Variants in OSBPL1A observed in about 807,000 individuals in gnomAD.
The protein encoded by OSBPL1A is oxysterol binding protein like 1A, also known as oxysterol-binding protein-related protein 1.
Under a neutral mutation model 137.1 loss-of-function variants are expected in OSBPL1A, and 80 were observed. That is an observed-to-expected ratio of 0.58 (90% CI 0.49 to 0.70). The LOEUF (loss-of-function observed/expected upper bound fraction) is 0.70. OSBPL1A is among the 30% of genes least tolerant of loss of function. OSBPL1A has a pLI of 0.00. For synonymous variants in OSBPL1A, 365 were observed against 389.7 expected (o/e 0.94, Z 0.75); for missense variants, 970 against 1,129.4 (o/e 0.86, Z 2.02).
rs141336824 is a variant in OSBPL1A, at chr18:24,273,645, T to G, written c.1281+7197A>C. Among the ~76,000 whole-genome samples the G allele has an allele frequency of 3.3e-4, 51 of 152,332 alleles. 1 individual carries two copies. The highest frequency in any genetic ancestry group is 1.2e-3 in the African/African-American group (51 of 41,570). ...CATTCATTCAAATATTTATTCACCA[T>G]CTACCACATGCCAAGTACCATGCTA... On this transcript the variant is annotated intron_variant, in intron 15 of 27. Coordinates refer to ENST00000319481, the MANE Select transcript of OSBPL1A (RefSeq NM_080597.4).
chr18:24,281,382 C>T (rs2089953837), intron 14 of OSBPL1A, among the ~76,000 whole-genome samples: 1 of 140,814 alleles, frequency 7.1e-6, no homozygotes, highest in Non-Finnish European at 1.6e-5. Flanking sequence ...CCGCGCCCGG[C>T]TTTTTTTTTT....
intron 21 of OSBPL1A, among the ~76,000 whole-genome samples, chr18:24,174,968 G>A (rs964379607): frequency 6.6e-6 from 1 of 150,590 alleles, no homozygotes; most frequent in Non-Finnish European, 1.5e-5. Flanking sequence ...TTTTAGAGAC[G>A]GATTTTCACT....
intron 4 of OSBPL1A, among the ~76,000 whole-genome samples, chr18:24,358,795 C>T (rs563513212): frequency 4.6e-5 from 7 of 152,128 alleles, no homozygotes; most frequent in African/African-American, 4.8e-5. Context: ...AGCTGGAGTG[C>T]GGTGGTGCCA....
At chr18:24,313,238 C>T (rs779156806) in intron 12 of OSBPL1A, among the ~76,000 whole-genome samples, 9 of 151,736 alleles carry the variant, frequency 5.9e-5, no homozygotes, top group African/African-American at 2.2e-4. Flanking sequence ...GTCAGGATTT[C>T]GAGACCAGCC....
chr18:24,284,615 T>C lies in OSBPL1A; in HGVS notation c.1175-3667A>G, dbSNP rs146579276. ...AATCCCTTGTACAGACAACCTCCAC[T>C]GTTATCCTAGTGTAAAAAAAAAAAA... is the stretch of plus-strand genomic sequence containing the variant. On this transcript the variant is annotated intron_variant, in intron 14 of 27. Coordinates refer to ENST00000319481, the MANE Select transcript of OSBPL1A (RefSeq NM_080597.4). Among the ~76,000 whole-genome samples the C allele has an allele frequency of 2.8e-5, 3 of 107,380 alleles. No individual in the cohort carries two copies. The East Asian group carries it at 9.5e-4, about 34-fold the overall frequency. The allele number at this position is 107,380 out of a possible 152,430, so 70.4% of individuals were successfully genotyped here. A position where few individuals can be genotyped will look rare whatever the true frequency, so the allele number is the denominator to read the frequency against.
chr18:24,255,561 T>C (rs1395670209), intron 15 of OSBPL1A, among the ~76,000 whole-genome samples: 3 of 152,072 alleles, frequency 2.0e-5, no homozygotes, highest in African/African-American at 7.2e-5. Flanking sequence ...TATCTACCTA[T>C]GACCTGGAAG....
At chr18:24,302,193 C>T (rs1210823014) in intron 14 of OSBPL1A, among the ~76,000 whole-genome samples, 3 of 146,266 alleles carry the variant, frequency 2.1e-5, no homozygotes, top group Non-Finnish European at 3.0e-5. Flanking sequence ...AAGATCGCGC[C>T]ACTGCACTCC....
Position 24,271,914 on chromosome 18 carries a change from C to T in OSBPL1A, c.1281+8928G>A. On this transcript the variant is annotated intron_variant, in intron 15 of 27. Transcript: ENST00000319481. The surrounding 1 kb of genome is among the most constrained non-coding windows in gnomAD (Gnocchi z 4.0). Reference sequence around the variant, plus strand: ...CCGCGCCCGCCCGGGCCGCAGAGGTCTGCGCTGCCCCTCCGCCGCCGCTGG... The same window carrying T: ...CCGCGCCCGCCCGGGCCGCAGAGGTTTGCGCTGCCCCTCCGCCGCCGCTGG... 1.0e-6 allele frequency: 1 copy of T among 984,130 alleles called. No individual in the cohort carries two copies. Among genetic ancestry groups the T allele is most frequent in the Non-Finnish European group, 1.2e-6 (1 of 829,564 alleles). The allele number at this position is 984,130 out of a possible 1,614,324, so 61.0% of individuals were successfully genotyped here. A position where few individuals can be genotyped will look rare whatever the true frequency, so the allele number is the denominator to read the frequency against.
chr18:24,278,523 T>C (rs964320047), intron 15 of OSBPL1A, among the ~76,000 whole-genome samples: 1 of 152,196 alleles, frequency 6.6e-6, no homozygotes, highest in Non-Finnish European at 1.5e-5. Flanking sequence ...GCCTAAACTT[T>C]AGGCTAACAC....
intron 15 of OSBPL1A, among the ~76,000 whole-genome samples, chr18:24,240,030 TC>T (rs2088639217): frequency 2.0e-5 from 3 of 150,916 alleles, no homozygotes; most frequent in Non-Finnish European, 2.9e-5. Context: ...TTCAAGCTAT[TC>T]TCATGCCTCT....
chr18:24,338,970 C>T (rs1452930941), intron 5 of OSBPL1A, among the ~76,000 whole-genome samples: 2 of 152,066 alleles, frequency 1.3e-5, no homozygotes, highest in Non-Finnish European at 2.9e-5. Flanking sequence ...CCTCAGCTTC[C>T]CAAAGTGCTG....
chr18:24,183,224 A>T (rs562653927), intron 18 of OSBPL1A, among the ~76,000 whole-genome samples: 1 of 152,202 alleles, frequency 6.6e-6, no homozygotes, highest in South Asian at 2.1e-4. Context: ...TATTAAAAAA[A>T]CTAACTGGGA....
chr18:24,330,259 A>C (rs928418975), intron 7 of OSBPL1A, among the ~76,000 whole-genome samples: 92 of 152,150 alleles, frequency 6.0e-4, no homozygotes, highest in African/African-American at 2.1e-3. Context: ...CCTTGGATGC[A>C]GCAAACTGGG....
intron 1 of OSBPL1A, among the ~76,000 whole-genome samples, chr18:24,397,124 GTGAATTGTTAAAGTCTAT>G (rs1340463300): frequency 1.3e-5 from 2 of 152,228 alleles, no homozygotes; most frequent in Non-Finnish European, 2.9e-5. Flanking sequence ...AGCGGGATAA[GTGAATTGTTAAAGTCTAT>G]TGTGCAGCTG....
intron 17 of OSBPL1A, among the ~76,000 whole-genome samples, chr18:24,200,111 T>C (rs1371265871): frequency 2.0e-5 from 3 of 152,240 alleles, no homozygotes; most frequent in African/African-American, 7.2e-5. Context: ...ATGTTATACT[T>C]TTTTCCATAT....
intron 14 of OSBPL1A, among the ~76,000 whole-genome samples, chr18:24,300,817 G>GTC (rs146806503): frequency 2.3e-4 from 35 of 150,260 alleles, no homozygotes; most frequent in East Asian, 1.9e-3. Flanking sequence ...CTATCAGTCT[G>GTC]TCTCTCTCTC....
chr18:24,224,533 C>T (rs746823235), intron 17 of OSBPL1A, among the ~76,000 whole-genome samples: 56 of 152,254 alleles, frequency 3.7e-4, no homozygotes, highest in Admixed American at 5.2e-4. Flanking sequence ...GGGATAAAAA[C>T]ATACTAATGT....
At chr18:24,251,060 A>T (rs970229323) in intron 15 of OSBPL1A, among the ~76,000 whole-genome samples, 2 of 152,038 alleles carry the variant, frequency 1.3e-5, no homozygotes, top group African/African-American at 4.8e-5. Flanking sequence ...AGGACTTTAT[A>T]TTGGGGTTTG....
At position 24,172,460 on chromosome 18, in the gene OSBPL1A, G is replaced by T. The variant is rs1388646896; in HGVS notation, c.2117C>A (p.Thr706Lys). Residue 706 changes from threonine to lysine, a missense_variant, in exon 22 of 28, where the codon ACA (threonine) becomes AAA (lysine). Coordinates refer to ENST00000319481, the MANE Select transcript of OSBPL1A (RefSeq NM_080597.4). ...LLEHNEAYTW[T>K]NPTCCVHNII... is the part of the protein sequence containing the mutation. ...ATTATGCACACAGCAGGTGGGATTT[G>T]TCCATGTATATGCCTCATTGTGTCT... is the stretch of plus-strand genomic sequence containing the variant. 5.0e-6 allele frequency: 8 copies of T among 1,613,780 alleles called. No homozygotes were observed. The highest frequency in any genetic ancestry group is 5.9e-6 in the Non-Finnish European group (7 of 1,179,874).
Sources: gnomAD v4.1 joint callset for allele counts (sites outside exome capture counted in the v4.1 genomes callset) on GRCh38, gnomAD v4.1.1 for gene constraint, Gnocchi (gnomAD v3.1) non-coding constraint, MANE v1.5 for transcripts, NCBI Gene and HGNC (gene_info 2026-07-23, HGNC 2026-07-21) for gene names.